OSBPL10: variants seen among roughly 807,000 people sequenced by gnomAD.
The protein encoded by OSBPL10 is oxysterol binding protein like 10, also known as oxysterol-binding protein-related protein 10.
Under a neutral mutation model 81.7 loss-of-function variants are expected in OSBPL10, and 49 were observed. The ratio of observed to expected loss-of-function variants is 0.60; its 90% CI spans 0.48 to 0.76. The LOEUF (loss-of-function observed/expected upper bound fraction) is 0.76. OSBPL10 is among the 30% of genes least tolerant of loss of function. The pLI, the probability that OSBPL10 is intolerant of heterozygous loss-of-function variation, is 0.00. For missense variants in OSBPL10, 923 were observed against 987.8 expected (o/e 0.93, Z 0.88); for synonymous variants, 419 against 383.6 (o/e 1.09, Z -1.08).
At chr3:31,723,509 T>C (rs1447753391) in intron 6 of OSBPL10, among the ~76,000 whole-genome samples, 1 of 149,588 alleles carries the variant, frequency 6.7e-6, no homozygotes, top group Non-Finnish European at 1.5e-5. Flanking sequence ...TTAAAGACAA[T>C]TCTATGGCTT....
chr3:31,679,599 AGT>A (rs1700584658), intron 8 of OSBPL10, among the ~76,000 whole-genome samples: 1 of 152,242 alleles, frequency 6.6e-6, no homozygotes, highest in African/African-American at 2.4e-5. Context: ...ATAAATACAA[AGT>A]GTGAACTGCC....
intron 8 of OSBPL10, among the ~76,000 whole-genome samples, chr3:31,672,019 G>A (rs1362636539): frequency 6.6e-6 from 1 of 152,010 alleles, no homozygotes; most frequent in Non-Finnish European, 1.5e-5. Context: ...CTCACTCTAG[G>A]GTTGCTCTGA....
At chr3:32,054,276 G>A (rs1699690415) in intron 1 of OSBPL10, among the ~76,000 whole-genome samples, 1 of 151,978 alleles carries the variant, frequency 6.6e-6, no homozygotes, top group Non-Finnish European at 1.5e-5. Context: ...TTAGATATTA[G>A]GTCCCCTAAA....
chr3:32,016,037 G>A (rs1280331133), intron 2 of OSBPL10, among the ~76,000 whole-genome samples: 1 of 152,228 alleles, frequency 6.6e-6, no homozygotes, highest in East Asian at 1.9e-4. Context: ...AGTCAGTGTG[G>A]TGATTCCTCA....
intron 1 of OSBPL10, among the ~76,000 whole-genome samples, chr3:31,957,980 A>T (rs1256616655): frequency 6.6e-6 from 1 of 152,208 alleles, no homozygotes; most frequent in Non-Finnish European, 1.5e-5. Flanking sequence ...GTCACATTGT[A>T]TAGAGTGACA....
At chr3:31,907,294 T>C (rs1696435781) in intron 1 of OSBPL10, among the ~76,000 whole-genome samples, 1 of 152,120 alleles carries the variant, frequency 6.6e-6, no homozygotes, top group African/African-American at 2.4e-5. Flanking sequence ...CAGGTATTCT[T>C]TATTGCATTT....
intron 4 of OSBPL10, among the ~76,000 whole-genome samples, chr3:31,809,568 G>A (rs9826104): frequency 0.031 from 4,673 of 152,286 alleles, 211 homozygotes; most frequent in African/African-American, 0.1. Context: ...GGTTTTAAAA[G>A]CTAGACATGC....
At chr3:31,990,147 C>T (rs1559544342) in intron 2 of OSBPL10, 1 of 1,611,616 alleles carries the variant, frequency 6.2e-7, no homozygotes, top group Non-Finnish European at 8.5e-7. Flanking sequence ...GTGATTCACA[C>T]CTCACACAAC....
chr3:31,851,660 T>C (rs1700769400), intron 3 of OSBPL10, among the ~76,000 whole-genome samples: 1 of 152,182 alleles, frequency 6.6e-6, no homozygotes, highest in African/African-American at 2.4e-5. Flanking sequence ...CACAGGGGAA[T>C]AAAATTTCCG....
intron 4 of OSBPL10, among the ~76,000 whole-genome samples, chr3:31,794,064 G>A (rs914129134): frequency 1.3e-5 from 2 of 152,296 alleles, no homozygotes; most frequent in East Asian, 1.9e-4. Context: ...GAAGGTGGAG[G>A]GGACTTGCCC....
intron 4 of OSBPL10, among the ~76,000 whole-genome samples, chr3:31,778,317 T>C (rs1032743906): frequency 1.3e-5 from 2 of 152,116 alleles, no homozygotes; most frequent in Non-Finnish European, 2.9e-5. Context: ...GCCTGATAAC[T>C]ACCCCCATCC....
At chr3:31,693,724 C>T (rs772384706) in intron 7 of OSBPL10, among the ~76,000 whole-genome samples, 9 of 152,160 alleles carry the variant, frequency 5.9e-5, no homozygotes, top group African/African-American at 1.4e-4. Flanking sequence ...AGACACAATA[C>T]GGTCTGCAAA....
intron 4 of OSBPL10, among the ~76,000 whole-genome samples, chr3:31,793,344 G>A (rs1699082131): frequency 6.6e-6 from 1 of 152,140 alleles, no homozygotes; most frequent in South Asian, 2.1e-4. Context: ...CCACAATCAA[G>A]CACCCGTTTG....
intron 3 of OSBPL10, among the ~76,000 whole-genome samples, chr3:31,873,857 G>A (rs1041197180): frequency 3.9e-5 from 6 of 152,082 alleles, no homozygotes; most frequent in Non-Finnish European, 8.8e-5. Context: ...CCTTGAATTT[G>A]GTAATGCTGT....
chr3:31,727,700 A>T (rs1345355554), intron 6 of OSBPL10, among the ~76,000 whole-genome samples: 1 of 152,210 alleles, frequency 6.6e-6, no homozygotes, highest in African/African-American at 2.4e-5. Flanking sequence ...TATAAGATTG[A>T]AACTTTAAAA....
chr3:31,759,012 G>A (rs1203467763), intron 4 of OSBPL10, among the ~76,000 whole-genome samples: 1 of 152,048 alleles, frequency 6.6e-6, no homozygotes, highest in African/African-American at 2.4e-5. Flanking sequence ...TTAGTTGACA[G>A]AACTATGAAG....
intron 1 of OSBPL10, among the ~76,000 whole-genome samples, chr3:31,887,578 G>A (rs1575600108): frequency 6.6e-6 from 1 of 151,950 alleles, no homozygotes; most frequent in African/African-American, 2.4e-5. Flanking sequence ...CAACCTAGAG[G>A]GTAGAAAGAA....
chr3:31,807,515 C>T (rs1338699944), intron 4 of OSBPL10, among the ~76,000 whole-genome samples: 3 of 151,470 alleles, frequency 2.0e-5, no homozygotes, highest in Non-Finnish European at 4.4e-5. Flanking sequence ...GCCTGTAATC[C>T]TAGCACTTTG....
chr3:31,951,153 C>G (rs751678363), intron 1 of OSBPL10, among the ~76,000 whole-genome samples: 11 of 151,990 alleles, frequency 7.2e-5, no homozygotes, highest in Non-Finnish European at 1.5e-4. Flanking sequence ...AACCTAAATA[C>G]CCATCACCAG....
Sources: allele counts gnomAD v4.1 joint callset (sites outside exome capture counted in the v4.1 genomes callset), GRCh38; gene constraint gnomAD v4.1.1; transcripts MANE v1.5; gene names NCBI Gene and HGNC (gene_info 2026-07-23, HGNC 2026-07-21).